Variants in CCSER1 observed in about 807,000 individuals in gnomAD.
CCSER1 encodes the protein coiled-coil serine rich protein 1, also known as serine-rich coiled-coil domain-containing protein 1.
A neutral mutation model predicts 82.0 loss-of-function variants in CCSER1; 41 were observed. The ratio of observed to expected loss-of-function variants is 0.50; its 90% CI spans 0.39 to 0.65. The LOEUF is 0.65. Ranked by LOEUF, CCSER1 falls within the 30% of genes least tolerant of loss-of-function variation. The pLI, the probability that CCSER1 is intolerant of heterozygous loss-of-function variation, is 0.00. For synonymous variants in CCSER1, 414 were observed against 383.9 expected, an observed-to-expected ratio of 1.08 and a Z score of -0.92; for missense variants, 1,119 against 1,064.2, an observed-to-expected ratio of 1.05 and a Z score of -0.72.
At chr4:91,399,575 C>T (rs1209400777) in intron 10 of CCSER1, among the ~76,000 whole-genome samples, 4 of 151,948 alleles carry the variant, frequency 2.6e-5, no homozygotes, top group Non-Finnish European at 4.4e-5. Flanking sequence ...TAGTTTCCTG[C>T]TCCCAGGGTT....
intron 5 of CCSER1, among the ~76,000 whole-genome samples, chr4:90,548,705 T>C (rs1777085837): frequency 6.6e-6 from 1 of 150,838 alleles, no homozygotes; most frequent in Admixed American, 6.6e-5. Context: ...TAACATCTTA[T>C]AAGCAAGGTT....
intron 3 of CCSER1, among the ~76,000 whole-genome samples, chr4:90,369,442 AAG>A (rs3042055): frequency 0.37 from 55,735 of 151,320 alleles, 11,019 homozygotes; most frequent in African/African-American, 0.48. Context: ...GGTATAAAAA[AAG>A]AGAATTGAAG....
intron 10 of CCSER1, among the ~76,000 whole-genome samples, chr4:91,390,589 A>G (rs2149349071): frequency 6.6e-6 from 1 of 151,772 alleles, no homozygotes; most frequent in South Asian, 2.1e-4. Flanking sequence ...AAAGTATTTT[A>G]TTTATATATA....
At chr4:90,930,444 T>TAAA (rs1323307768) in intron 9 of CCSER1, among the ~76,000 whole-genome samples, 2 of 148,574 alleles carry the variant, frequency 1.3e-5, no homozygotes, top group African/African-American at 2.5e-5. Flanking sequence ...TACTAAAAAT[T>TAAA]TAAAAAAAAA....
At chr4:90,473,941 G>A (rs17017050) in intron 5 of CCSER1, among the ~76,000 whole-genome samples, 42,439 of 152,018 alleles carry the variant, frequency 0.28, 9,084 homozygotes, top group African/African-American at 0.6. Flanking sequence ...AGTGCTAGGG[G>A]TTTTGTGTTG....
At chr4:91,515,867 T>C (rs1760083722) in intron 10 of CCSER1, among the ~76,000 whole-genome samples, 1 of 26,608 alleles carries the variant, frequency 3.8e-5, no homozygotes, top group South Asian at 1.0e-3. Context: ...GCATCTCTTT[T>C]TTTTTTTTTT....
At chr4:90,375,949 C>T (rs1043791447) in intron 3 of CCSER1, among the ~76,000 whole-genome samples, 2 of 152,244 alleles carry the variant, frequency 1.3e-5, no homozygotes, top group African/African-American at 4.8e-5. Context: ...GGAGGCACTG[C>T]CAGCTTGACC....
intron 10 of CCSER1, among the ~76,000 whole-genome samples, chr4:91,382,907 G>A (rs1273694536): frequency 7.9e-5 from 12 of 151,966 alleles, no homozygotes. Flanking sequence ...AGCAACCACA[G>A]CCCTGATTAA....
intron 9 of CCSER1, among the ~76,000 whole-genome samples, chr4:91,009,257 A>G (rs1738796848): frequency 1.3e-5 from 2 of 152,170 alleles, no homozygotes; most frequent in Admixed American, 1.3e-4. Context: ...AAGGGAGGGG[A>G]CCCAAAGAGG....
At chr4:90,302,741 T>G (rs1733401245) in intron 1 of CCSER1, among the ~76,000 whole-genome samples, 1 of 152,114 alleles carries the variant, frequency 6.6e-6, no homozygotes, top group South Asian at 2.1e-4. Context: ...AATTCGAGGA[T>G]GTAGTTAACT....
At chr4:90,492,227 C>T (rs1768153949) in intron 5 of CCSER1, among the ~76,000 whole-genome samples, 2 of 152,048 alleles carry the variant, frequency 1.3e-5, no homozygotes, top group African/African-American at 4.8e-5. Flanking sequence ...GATTCAACTT[C>T]TTCCTGGTTT....
intron 1 of CCSER1, among the ~76,000 whole-genome samples, chr4:90,170,752 TTC>T (rs1731508536): frequency 1.3e-5 from 2 of 151,952 alleles, no homozygotes; most frequent in Admixed American, 1.3e-4. Flanking sequence ...GTACTATATT[TTC>T]TTTATTCATC....
chr4:90,884,734 A>G (rs1721864042), intron 8 of CCSER1, among the ~76,000 whole-genome samples: 1 of 152,174 alleles, frequency 6.6e-6, no homozygotes, highest in Non-Finnish European at 1.5e-5. Context: ...TGTGGAACAG[A>G]CTTAGTGTAA....
At chr4:91,249,281 ACCAAGGGGGAGGAAAAAGT>A (rs1740066680) in intron 10 of CCSER1, among the ~76,000 whole-genome samples, 2 of 152,172 alleles carry the variant, frequency 1.3e-5, no homozygotes, top group African/African-American at 4.8e-5. Flanking sequence ...TATTATTTTA[ACCAAGGGGGAGGAAAAAGT>A]CCTTTTTCTT....
In CCSER1 at chr4:90,872,875, T is replaced by C. The variant is rs150570709; in HGVS notation, c.2095-50495T>C. On this transcript the variant is annotated intron_variant, in intron 8 of 10. Coordinates refer to ENST00000509176, the MANE Select transcript of CCSER1 (RefSeq NM_001145065.2). ...GTATCTCCTTCATGTTTGAAAGATA[T>C]TTTCTTTAAATATATCATGCCACCC... 9.4e-3 allele frequency among the ~76,000 whole-genome samples: 1,436 copies of C among 152,056 alleles called. 23 individuals are homozygous for C. Among genetic ancestry groups the C allele is most frequent in the African/African-American group, 0.033 (1,371 of 41,540 alleles).
intron 5 of CCSER1, among the ~76,000 whole-genome samples, chr4:90,579,484 T>C (rs963493348): frequency 5.9e-5 from 9 of 152,200 alleles, no homozygotes; most frequent in Admixed American, 5.9e-4. Context: ...ATTAATGGCC[T>C]GGAATTGCAT....
chr4:90,860,813 G>A (rs1039260139), intron 8 of CCSER1, among the ~76,000 whole-genome samples: 7 of 151,674 alleles, frequency 4.6e-5, no homozygotes, highest in African/African-American at 1.4e-4. Context: ...CAATAGGCAA[G>A]TCTATACAGA....
intron 10 of CCSER1, among the ~76,000 whole-genome samples, chr4:91,207,342 C>T (rs1461818675): frequency 7.9e-6 from 1 of 126,260 alleles, no homozygotes; most frequent in African/African-American, 2.8e-5. Flanking sequence ...CCAACAGTTG[C>T]TTTTCTTTTC....
At chr4:91,125,219 GAC>G (rs1561567807) in intron 10 of CCSER1, among the ~76,000 whole-genome samples, 1 of 151,598 alleles carries the variant, frequency 6.6e-6, no homozygotes, top group African/African-American at 2.4e-5. Context: ...CAATTAGCAT[GAC>G]ACATGTTGTG....
Sources: gnomAD v4.1 joint callset for allele counts (sites outside exome capture counted in the v4.1 genomes callset) on GRCh38, gnomAD v4.1.1 for gene constraint, MANE v1.5 for transcripts, NCBI Gene and HGNC (gene_info 2026-07-23, HGNC 2026-07-21) for gene names.